SVIP: variants seen among roughly 807,000 people sequenced by gnomAD.
The protein encoded by SVIP is small VCP/p97-interacting protein.
SVIP carries 14 observed loss-of-function variants against 12.9 expected under a neutral mutation model. That is an observed-to-expected ratio of 1.08 (90% CI 0.72 to 1.70). The LOEUF (loss-of-function observed/expected upper bound fraction) is 1.70, where lower values mean the gene tolerates loss of function less well. Among genes scored for constraint, SVIP ranks in the 40% most tolerant of loss-of-function variants. SVIP has a pLI of 0.00. For missense variants in SVIP, 93 were observed against 90.8 expected (o/e 1.02, Z -0.10); for synonymous variants, 35 against 33.3 (o/e 1.05, Z -0.17).
At chr11:22,828,733 A>G (rs970610770) in intron 1 of SVIP, among the ~76,000 whole-genome samples, 1 of 152,108 alleles carries the variant, frequency 6.6e-6, no homozygotes, top group African/African-American at 2.4e-5. Context: ...ATTTAAAACA[A>G]CAGCAGCAAC....
Position 22,829,799 on chromosome 11 carries a change from G to C in SVIP, c.-51C>G, listed in dbSNP as rs376058924. ...CCGGGTCCGGCCCAGGCCAGGCGGC[G>C]CTAACTGCGCGGTCCGGAGCCGGTC... On this transcript the variant is annotated 5_prime_UTR_variant, in exon 1 of 4. Transcript: ENST00000354193. 26 of 1,530,412 alleles carry C rather than the reference G, an allele frequency of 1.7e-5. No individual in the cohort carries two copies. Among genetic ancestry groups the C allele is most frequent in the Non-Finnish European group, 2.3e-5 (26 of 1,126,762 alleles). The allele number at this position is 1,530,412 out of a possible 1,614,324, so 94.8% of individuals were successfully genotyped here. A position where few individuals can be genotyped will look rare whatever the true frequency, so the allele number is the denominator to read the frequency against.
rs1564905959 is a variant in SVIP at position 22,824,461 on chromosome 11, C to CATATATAT, written c.220-1329_220-1328insATATATAT. ...ACACACACACATATATATATATATA[C>CATATATAT]ACATATATATACGTATATATATATG... On this transcript the variant is annotated intron_variant, in intron 3 of 3. Transcript: ENST00000354193. 4.3e-3 allele frequency among the ~76,000 whole-genome samples: 192 copies of CATATATAT among 44,156 alleles called. 1 individual carries two copies. The highest frequency in any genetic ancestry group is 9.3e-3 in the African/African-American group (179 of 19,260). The allele number at this position is 44,156 out of a possible 152,430, so 29.0% of individuals were successfully genotyped here. A position where few individuals can be genotyped will look rare whatever the true frequency, so the allele number is the denominator to read the frequency against.
Position 22,827,844 on chromosome 11 carries a change from C to T in SVIP, c.85G>A (p.Ala29Thr). Residue 29 changes from alanine to threonine, a missense_variant, in exon 2 of 4, where the codon GCA becomes ACA. Transcript: ENST00000354193. ...CTTACCTCTTTTTGTCTTCTCTCTG[C>T]AGCCTCTGCAAGCTTTGCTCTTTTC... ...EEKRAKLAEA[A>T]ERRQKEAASR... The T allele has an allele frequency of 6.3e-7, 1 of 1,583,594 alleles. No individual in the cohort carries two copies.
chr11:22,829,153 T>C (rs1203389049), intron 1 of SVIP: 2 of 152,290 alleles, frequency 1.3e-5, no homozygotes, highest in Non-Finnish European at 2.9e-5. Flanking sequence ...GTACTACATA[T>C]TCTTTTAAAG....
rs1857506270 is a variant in SVIP, at chr11:22,822,045, A to C, written c.*1074T>G. The C allele has an allele frequency of 6.6e-6, 1 of 152,228 alleles. No individual in the cohort carries two copies. Among genetic ancestry groups the C allele is most frequent in the Non-Finnish European group, 1.5e-5 (1 of 68,014 alleles). 9.4% of individuals were successfully genotyped at this position (152,228 alleles called of 1,614,324 possible). ...TGTGGCCTTGCCATTTAAAAGAGCT[A>C]TCAGCCTTAATAGCTAACACAAATT... On this transcript the variant is annotated 3_prime_UTR_variant, in exon 4 of 4. Coordinates refer to ENST00000354193, the MANE Select transcript of SVIP (RefSeq NM_148893.3).
At chr11:22,824,666 T>C (rs1857628011) in intron 3 of SVIP, among the ~76,000 whole-genome samples, 1 of 152,132 alleles carries the variant, frequency 6.6e-6, no homozygotes, top group South Asian at 2.1e-4. Flanking sequence ...ATATACAATT[T>C]AGCATTTTTA....
rs868187453 is a variant in SVIP at position 22,820,589 on chromosome 11, G to A, written c.*2530C>T. On this transcript the variant is annotated 3_prime_UTR_variant, in exon 4 of 4. Coordinates refer to ENST00000354193, the MANE Select transcript of SVIP (RefSeq NM_148893.3). ...GTAGTAAAGATAAAATTTTGTTAAA[G>A]AGACAGCTAAAGCTAATTTTTACAT... 1 of 152,154 alleles carries A rather than the reference G, an allele frequency of 6.6e-6. No homozygotes were observed. Among genetic ancestry groups the A allele is most frequent in the Non-Finnish European group, 1.5e-5 (1 of 68,016 alleles). 9.4% of individuals were successfully genotyped at this position (152,154 alleles called of 1,614,324 possible). A position where few individuals can be genotyped will look rare whatever the true frequency, so the allele number is the denominator to read the frequency against.
chr11:22,829,633 C>G, intron 1 of SVIP, 62 bp downstream of exon 1: 1 of 1,510,386 alleles, frequency 6.6e-7, no homozygotes, highest in South Asian at 1.2e-5. Context: ...CGGCCCGCCC[C>G]GCAACCCGAG....
intron 3 of SVIP, 143 bp downstream of exon 3, chr11:22,827,064 C>G (rs1251364913): frequency 1.6e-6 from 1 of 615,342 alleles, no homozygotes; most frequent in Non-Finnish European, 2.9e-6. Context: ...ATTGGTATTA[C>G]TTCCAATATT....
chr11:22,829,469 T>C, intron 1 of SVIP: 1 of 432,488 alleles, frequency 2.3e-6, no homozygotes, highest in Middle Eastern at 5.8e-4. Context: ...CAGCCGCCTT[T>C]CGACAACTTT....
chr11:22,827,380 C>T lies in SVIP; in HGVS notation c.106-60G>A, dbSNP rs991652505. 15 of 1,391,968 alleles carry T rather than the reference C, an allele frequency of 1.1e-5. No homozygotes were observed. The South Asian group carries it at 1.8e-4, about 17-fold the overall frequency. 86.2% of individuals were successfully genotyped at this position (1,391,968 alleles called of 1,614,324 possible). ...ACAAAAATCTGTCCAGTGTGCAAAA[C>T]ATTTTTTTGTCTATCTTTGCTTTCT... is the stretch of plus-strand genomic sequence containing the variant. On this transcript the variant is annotated intron_variant, in intron 2 of 3. Coordinates refer to ENST00000354193, the MANE Select transcript of SVIP (RefSeq NM_148893.3).
intron 1 of SVIP, among the ~76,000 whole-genome samples, chr11:22,828,635 A>C (rs1388397406): frequency 6.6e-6 from 1 of 152,058 alleles, no homozygotes; most frequent in Non-Finnish European, 1.5e-5. Flanking sequence ...TATCAAGGGA[A>C]GAGGGTATAG....
At chr11:22,824,909 A>T (rs1857637852) in intron 3 of SVIP, among the ~76,000 whole-genome samples, 1 of 152,120 alleles carries the variant, frequency 6.6e-6, no homozygotes, top group Non-Finnish European at 1.5e-5. Flanking sequence ...TAAGGTGGAA[A>T]GCCATTGTAC....
chr11:22,824,482 A>G (rs1195403185), intron 3 of SVIP, among the ~76,000 whole-genome samples: 3 of 141,172 alleles, frequency 2.1e-5, no homozygotes, highest in African/African-American at 7.5e-5. Context: ...ACGTATATAT[A>G]TATGTATATA....
intron 3 of SVIP, among the ~76,000 whole-genome samples, chr11:22,824,463 C>CATATATATACGTATATATATATGT (rs1491078775): frequency 7.2e-4 from 83 of 115,092 alleles, no homozygotes; most frequent in African/African-American, 2.4e-3. Context: ...TATATATACA[C>CATATATATACGTATATATATATGT]ATATATATAC....
At chr11:22,824,497 C>CTT (rs1857616753) in intron 3 of SVIP, among the ~76,000 whole-genome samples, 1 of 120,240 alleles carries the variant, frequency 8.3e-6, no homozygotes. Flanking sequence ...TATATATATA[C>CTT]GTATATATAT....
At position 22,821,883 on chromosome 11, in the gene SVIP, A is replaced by G. The variant is rs969213971; in HGVS notation, c.*1236T>C. 5 of 152,200 alleles carry G rather than the reference A, an allele frequency of 3.3e-5. No homozygotes were observed. The highest frequency in any genetic ancestry group is 4.8e-5 in the African/African-American group (2 of 41,460). The allele number at this position is 152,200 out of a possible 1,614,324, so 9.4% of individuals were successfully genotyped here. On this transcript the variant is annotated 3_prime_UTR_variant, in exon 4 of 4. Transcript: ENST00000354193. Reference sequence around the variant, plus strand: ...ATTAACATGTACAATACACTGCAGTATAACATAATTTTTGTTGGAGGGGTA... The same window carrying G: ...ATTAACATGTACAATACACTGCAGTGTAACATAATTTTTGTTGGAGGGGTA...
intron 3 of SVIP, 82 bp downstream of exon 3, chr11:22,827,125 G>A (rs973024352): frequency 1.3e-5 from 14 of 1,073,316 alleles, no homozygotes; most frequent in Non-Finnish European, 1.6e-5. Context: ...ATACATTTCA[G>A]GAGAAAATTA....
Position 22,822,810 on chromosome 11 carries a change from A to G in SVIP, c.*309T>C. 3.8e-6 allele frequency: 1 copy of G among 261,162 alleles called. No individual in the cohort carries two copies. Among genetic ancestry groups the G allele is most frequent in the Non-Finnish European group, 7.3e-6 (1 of 137,794 alleles). The allele number at this position is 261,162 out of a possible 1,614,324, so 16.2% of individuals were successfully genotyped here. On this transcript the variant is annotated 3_prime_UTR_variant, in exon 4 of 4. Transcript: ENST00000354193. Reference sequence around the variant, plus strand: ...AACTGCGAATTTTAATCTTAGAGGTATATGCAGAATGTTTACATGCAGTGT... The same window carrying G: ...AACTGCGAATTTTAATCTTAGAGGTGTATGCAGAATGTTTACATGCAGTGT...
Sources: gnomAD v4.1 joint callset for allele counts (sites outside exome capture counted in the v4.1 genomes callset) on GRCh38, gnomAD v4.1.1 for gene constraint, MANE v1.5 for transcripts, NCBI Gene and HGNC (gene_info 2026-07-23, HGNC 2026-07-21) for gene names.